The following METTL17 variants were observed in gnomAD, a reference collection of about 807,000 sequenced individuals.
The protein encoded by METTL17 is methyltransferase like 17.
A neutral mutation model predicts 59.4 loss-of-function variants in METTL17; 49 were observed. The ratio of observed to expected loss-of-function variants is 0.82; its 90% CI spans 0.66 to 1.05. The LOEUF (loss-of-function observed/expected upper bound fraction) is 1.05. Ranked by LOEUF, METTL17 falls within the 50% of genes least tolerant of loss-of-function variation. The pLI is 0.00. For synonymous variants in METTL17, 208 were observed against 209.2 expected (o/e 0.99, Z 0.05); for missense variants, 555 against 578.4 (o/e 0.96, Z 0.41).
In METTL17 at chr14:20,996,801, G is replaced by T; in HGVS notation, c.1282G>T (p.Ala428Ser). The T allele has an allele frequency of 6.2e-7, 1 of 1,614,168 alleles. No individual in the cohort carries two copies. The highest frequency in any genetic ancestry group is 8.5e-7 in the Non-Finnish European group (1 of 1,180,030). The change falls in exon 14 of 14, where the codon GCC (alanine) becomes TCC (serine). Residue 428 changes from alanine to serine, a missense_variant. By Grantham distance (99) the Ala-to-Ser change is moderately conservative (BLOSUM62 1). Transcript: ENST00000339374. ...RRHGRDLYRC[A>S]RVSSWGDLLP... ...TTTCCACAGGGATTTGTATCGTTGT[G>T]CCCGTGTCAGCTCCTGGGGAGATCT...
At position 20,994,818 on chromosome 14, in the gene METTL17, GC is replaced by G; in HGVS notation, c.794del (p.Ala265ValfsTer4). The G allele has an allele frequency of 6.2e-7, 1 of 1,614,118 alleles. No homozygotes were observed. The highest frequency in any genetic ancestry group is 8.5e-7 in the Non-Finnish European group (1 of 1,179,964). ...PKVQFDVVVS[A>X]FSLSELPSKA... Reference sequence around the variant, plus strand: ...GGTGCAGTTTGATGTAGTAGTGTCAGCTTTTTCCTTAAGTGAACTGCCCAGC... The same window carrying G: ...GGTGCAGTTTGATGTAGTAGTGTCAGTTTTTCCTTAAGTGAACTGCCCAGC... On this transcript the variant is annotated frameshift_variant, in exon 9 of 14. Coordinates refer to ENST00000339374, the MANE Select transcript of METTL17 (RefSeq NM_022734.3). LOFTEE classifies it high-confidence loss of function.
chr14:20,995,070 C>T, intron 9 of METTL17, 95 bp from the exon 10 acceptor site: 1 of 1,254,508 alleles, frequency 8.0e-7, no homozygotes, highest in Admixed American at 1.7e-5. Context: ...CTTTTTAGGA[C>T]TCCTTCTCCC....
In METTL17 at chr14:20,990,124, A is replaced by G. The variant is rs529813913; in HGVS notation, c.75+47A>G. The G allele has an allele frequency of 2.5e-6, 4 of 1,612,010 alleles. No individual in the cohort carries two copies. The African/African-American group carries it at 4.0e-5, about 16-fold the overall frequency. On this transcript the variant is annotated intron_variant, in intron 1 of 13. Transcript: ENST00000339374. ...TGTCGGAGAGACTCTGGATCTGCAG[A>G]GACATCTCCGCGCAGAGGAGGAGCG...
chr14:20,990,417 A>C (rs2138731945), intron 2 of METTL17, 34 bp downstream of exon 2: 1 of 1,613,700 alleles, frequency 6.2e-7, no homozygotes, highest in Non-Finnish European at 8.5e-7. Context: ...AAGAAACGGG[A>C]CTGGACCTAC....
At chr14:20,993,866 A>C in intron 6 of METTL17, 103 bp from the exon 7 acceptor site, 1 of 694,804 alleles carries the variant, frequency 1.4e-6, no homozygotes. Flanking sequence ...CTTTAACATA[A>C]CACTCTCTTT....
In METTL17 at chr14:20,990,271, C is replaced by G. The variant is rs1401032231; in HGVS notation, c.117C>G (p.Asn39Lys). ...ALVPGVTQVD[N>K]KSGFLQKRPH... is the part of the protein sequence containing the mutation. ...TACCCGGAGTGACCCAGGTAGATAA[C>G]AAGTCCGGTTTCCTGCAGAAGAGGC... The change falls in exon 2 of 14, where the codon AAC (asparagine) becomes AAG (lysine). Residue 39 changes from asparagine (N) to lysine (K), a missense_variant. Coordinates refer to ENST00000339374, the MANE Select transcript of METTL17 (RefSeq NM_022734.3). 4 of 1,614,236 alleles carry G rather than the reference C, an allele frequency of 2.5e-6. No individual in the cohort carries two copies. Among genetic ancestry groups the G allele is most frequent in the Non-Finnish European group, 3.4e-6 (4 of 1,180,030 alleles).
rs757594488 is a variant in METTL17 at position 20,990,214 on chromosome 14, C to T, written c.76-16C>T. ...CCTTTCTGCCAGGAAATCAACCTAC[C>T]TTTCTCTGCCTGCAGGCGCTCGCCG... is the stretch of plus-strand genomic sequence containing the variant. On this transcript the variant is annotated splice_polypyrimidine_tract_variant and intron_variant, in intron 1 of 13. Coordinates refer to ENST00000339374, the MANE Select transcript of METTL17 (RefSeq NM_022734.3). 4 of 1,614,158 alleles carry T rather than the reference C, an allele frequency of 2.5e-6. No individual in the cohort carries two copies. Among genetic ancestry groups the T allele is most frequent in the Non-Finnish European group, 3.4e-6 (4 of 1,180,044 alleles).
intron 7 of METTL17, among the ~76,000 whole-genome samples, chr14:20,994,328 C>T (rs545173354): frequency 6.6e-6 from 1 of 151,078 alleles, no homozygotes; most frequent in Admixed American, 6.6e-5. Flanking sequence ...CATATGTTAC[C>T]CAGGCTGGTC....
At chr14:20,993,868 A>G in intron 6 of METTL17, 101 bp from the exon 7 acceptor site, 1 of 696,752 alleles carries the variant, frequency 1.4e-6, no homozygotes. Flanking sequence ...TTAACATAAC[A>G]CTCTCTTTTC....
chr14:20,994,992 T>C (rs775231766), intron 9 of METTL17, 91 bp downstream of exon 9: 1 of 1,209,918 alleles, frequency 8.3e-7, no homozygotes. Flanking sequence ...TTCTTCACCA[T>C]TTTTCTCCTT....
At position 20,993,207 on chromosome 14, in the gene METTL17, C is replaced by T; in HGVS notation, c.602+16C>T. On this transcript the variant is annotated intron_variant, in intron 6 of 13. Transcript: ENST00000339374. ...CTGTCACCTGGTGAGTAACTTTCTTCAGCCCTATCTTGGTCAATTTTAGCT... is the reference window on the plus strand; with the variant it reads ...CTGTCACCTGGTGAGTAACTTTCTTTAGCCCTATCTTGGTCAATTTTAGCT... 3.1e-6 allele frequency: 5 copies of T among 1,611,960 alleles called. No individual in the cohort carries two copies. Among genetic ancestry groups the T allele is most frequent in the Non-Finnish European group, 4.2e-6 (5 of 1,178,012 alleles).
At chr14:20,993,236 G>T (rs1201909565) in intron 6 of METTL17, 45 bp downstream of exon 6, 1 of 1,538,766 alleles carries the variant, frequency 6.5e-7, no homozygotes, top group Non-Finnish European at 9.0e-7. Flanking sequence ...TTTAGCTCTA[G>T]AAAGCCATAC....
chr14:20,995,084 A>G, intron 9 of METTL17, 81 bp from the exon 10 acceptor site: 2 of 1,357,372 alleles, frequency 1.5e-6, no homozygotes, highest in South Asian at 1.2e-5. Context: ...TTCTCCCTCT[A>G]TGATTGCTCT....
intron 7 of METTL17, 33 bp from the exon 8 acceptor site, chr14:20,994,510 C>G: frequency 6.4e-7 from 1 of 1,567,670 alleles, no homozygotes; most frequent in East Asian, 2.2e-5. Context: ...TAACTTCCTA[C>G]ACACTCACAG....
In METTL17 at chr14:20,994,654, G is replaced by T. The variant is rs375315536; in HGVS notation, c.768+41G>T. ...TAGAATATTCTAAATGTGGAATGTG[G>T]CAGATGGAAAACTATGGCTTGAGCT... On this transcript the variant is annotated intron_variant, in intron 8 of 13. Coordinates refer to ENST00000339374, the MANE Select transcript of METTL17 (RefSeq NM_022734.3). 204 of 1,595,656 alleles carry T rather than the reference G, an allele frequency of 1.3e-4. 1 individual carries two copies. Among genetic ancestry groups the T allele is most frequent in the Non-Finnish European group, 4.3e-5 (50 of 1,163,406 alleles).
At chr14:20,991,213 T>TA (rs1330606499) in intron 3 of METTL17, among the ~76,000 whole-genome samples, 1 of 152,148 alleles carries the variant, frequency 6.6e-6, no homozygotes, top group African/African-American at 2.4e-5. Flanking sequence ...TCAGGTAAAA[T>TA]AAAGTCCCTG....
At chr14:20,993,441 G>T (rs1880149353) in intron 6 of METTL17, 5 of 470,816 alleles carry the variant, frequency 1.1e-5, no homozygotes, top group African/African-American at 4.0e-5. Context: ...ATCAATCAAA[G>T]TTGTTTTTGC....
chr14:20,993,438 A>G (rs933519918), intron 6 of METTL17: 6 of 482,226 alleles, frequency 1.2e-5, no homozygotes, highest in African/African-American at 1.2e-4. Flanking sequence ...ATTATCAATC[A>G]AAGTTGTTTT....
At chr14:20,996,114 T>G in intron 11 of METTL17, 95 bp from the exon 12 acceptor site, 4 of 1,322,952 alleles carry the variant, frequency 3.0e-6, no homozygotes, top group Admixed American at 3.4e-5. Flanking sequence ...CTGTCCTCCC[T>G]TCTCCCTGGC....
Sources: allele counts gnomAD v4.1 joint callset (sites outside exome capture counted in the v4.1 genomes callset), GRCh38; gene constraint gnomAD v4.1.1; transcripts MANE v1.5; gene names NCBI Gene and HGNC (gene_info 2026-07-23, HGNC 2026-07-21).